Variants in PSME4 observed in about 807,000 individuals in gnomAD.
PSME4 encodes proteasome activator subunit 4.
Under a neutral mutation model 253.9 loss-of-function variants are expected in PSME4, and 89 were observed. That is an observed-to-expected ratio of 0.35 (90% CI 0.30 to 0.42). The LOEUF is 0.42. Among genes scored for constraint, PSME4 ranks in the 10% least tolerant of loss-of-function variants. PSME4 has a pLI of 1.00. For synonymous variants in PSME4, 851 were observed against 759.2 expected (o/e 1.12, Z -1.99); for missense variants, 2,014 against 2,195.2 (o/e 0.92, Z 1.65).
At chr2:53,898,973 C>A (rs1680267382) in intron 29 of PSME4, among the ~76,000 whole-genome samples, 1 of 151,640 alleles carries the variant, frequency 6.6e-6, no homozygotes. Flanking sequence ...CTGATGTGTA[C>A]CAGTTATGTA....
chr2:53,941,374 T>C lies in PSME4; in HGVS notation c.501-1374A>G, dbSNP rs192463824. Among the ~76,000 whole-genome samples, 300 of 151,452 alleles carry C rather than the reference T, an allele frequency of 2.0e-3. 4 individuals are homozygous for C. The highest frequency in any genetic ancestry group is 1.9e-3 in the Non-Finnish European group (130 of 67,820). On this transcript the variant is annotated intron_variant, in intron 3 of 46. Coordinates refer to ENST00000404125, the MANE Select transcript of PSME4 (RefSeq NM_014614.3). ...GATCATGAGAGGGAGGTTCTTCTTT[T>C]TCTTATGAAAAGGCTAAGCAATTCA... is the stretch of plus-strand genomic sequence containing the variant.
chr2:53,898,048 G>GAAA, intron 30 of PSME4, 49 bp from the exon 31 acceptor site: 1 of 1,411,296 alleles, frequency 7.1e-7, no homozygotes, highest in Non-Finnish European at 9.5e-7. Flanking sequence ...AAACCACTTG[G>GAAA]AAAAAAAAAA....
intron 36 of PSME4, among the ~76,000 whole-genome samples, chr2:53,892,381 T>C (rs188750348): frequency 1.3e-4 from 20 of 152,276 alleles, no homozygotes; most frequent in African/African-American, 4.3e-4. Context: ...AAACTCCAAC[T>C]GTCTAAAAGA....
intron 43 of PSME4, 67 bp from the exon 44 acceptor site, chr2:53,869,605 G>T: frequency 2.3e-6 from 3 of 1,312,000 alleles, no homozygotes; most frequent in East Asian, 2.4e-5. Flanking sequence ...AGGATAGGGG[G>T]TAGTGTGGGA....
chr2:53,878,267 T>C (rs766909208), intron 41 of PSME4, among the ~76,000 whole-genome samples: 3 of 152,236 alleles, frequency 2.0e-5, no homozygotes, highest in South Asian at 2.1e-4. Flanking sequence ...TGCACACTTA[T>C]CACTTCCCCA....
At chr2:53,936,020 A>T (rs1165400632) in intron 7 of PSME4, 67 bp downstream of exon 7, 13 of 1,548,416 alleles carry the variant, frequency 8.4e-6, no homozygotes, top group Non-Finnish European at 1.1e-5. Context: ...CAGCCACCCG[A>T]GCAGCTGGGA....
At position 53,865,998 on chromosome 2, in the gene PSME4, T is replaced by G. The variant is rs1004373681; in HGVS notation, c.*4+87A>C. On this transcript the variant is annotated intron_variant, in intron 46 of 46. Transcript: ENST00000404125. Reference sequence around the variant, plus strand: ...CCAACTTTATCTAAACACTGACATCTAAGAATGTCAGCAAAAAGAAAAAAA... The same window carrying G: ...CCAACTTTATCTAAACACTGACATCGAAGAATGTCAGCAAAAAGAAAAAAA... 2.3e-6 allele frequency: 3 copies of G among 1,310,944 alleles called. No individual in the cohort carries two copies. In the African/African-American group the frequency reaches 4.5e-5, roughly 20 times the overall value. 81.2% of individuals were successfully genotyped at this position (1,310,944 alleles called of 1,614,324 possible).
intron 19 of PSME4, among the ~76,000 whole-genome samples, chr2:53,919,852 A>G (rs890231464): frequency 3.3e-5 from 5 of 152,202 alleles, no homozygotes; most frequent in African/African-American, 4.8e-5. Flanking sequence ...CTTAAAATAA[A>G]ATTTTGAGAA....
At position 53,872,810 on chromosome 2, in the gene PSME4, A is replaced by G. The variant is rs576633303; in HGVS notation, c.5100+1529T>C. Among the ~76,000 whole-genome samples, 19 of 150,488 alleles carry G rather than the reference A, an allele frequency of 1.3e-4. No homozygotes were observed. In the East Asian group the frequency reaches 2.3e-3, roughly 18 times the overall value. ...GTTCTAAAAGAAGCTCCTAAATGCAAGCGGTATAATAATTAAAGTTAGGAA... is the reference window on the plus strand; with the variant it reads ...GTTCTAAAAGAAGCTCCTAAATGCAGGCGGTATAATAATTAAAGTTAGGAA... On this transcript the variant is annotated intron_variant, in intron 43 of 46. Transcript: ENST00000404125.
intron 17 of PSME4, among the ~76,000 whole-genome samples, chr2:53,921,871 A>AAAAAAAAAAAAG (rs1400900394): frequency 2.2e-5 from 3 of 135,564 alleles, no homozygotes; most frequent in African/African-American, 5.5e-5. Flanking sequence ...CCGTCTCAAA[A>AAAAAAAAAAAAG]AAAAGAAAAC....
At chr2:53,894,480 C>T (rs951875236) in intron 34 of PSME4, among the ~76,000 whole-genome samples, 2 of 149,280 alleles carry the variant, frequency 1.3e-5, no homozygotes, top group Non-Finnish European at 2.9e-5. Flanking sequence ...CCATGTTGCT[C>T]AGGATGGTCT....
At chr2:53,924,489 T>C (rs1017950649) in intron 14 of PSME4, among the ~76,000 whole-genome samples, 1 of 152,226 alleles carries the variant, frequency 6.6e-6, no homozygotes, top group African/African-American at 2.4e-5. Flanking sequence ...CTGAATGTCT[T>C]ATGAAGATAA....
At chr2:53,937,711 G>T (rs805360) in intron 4 of PSME4, among the ~76,000 whole-genome samples, 171 bp from the exon 5 acceptor site, 56,338 of 151,888 alleles carry the variant, frequency 0.37, 11,260 homozygotes, top group East Asian at 0.71. Flanking sequence ...TAAAATAAAT[G>T]CCCCAGTTGG....
intron 21 of PSME4, among the ~76,000 whole-genome samples, chr2:53,909,063 G>A (rs1273684333): frequency 6.6e-6 from 1 of 151,408 alleles, no homozygotes; most frequent in East Asian, 1.9e-4. Flanking sequence ...TCAAGATAAA[G>A]AAAAATAATA....
chr2:53,919,290 T>C, intron 19 of PSME4, 44 bp from the exon 20 acceptor site: 3 of 1,536,228 alleles, frequency 2.0e-6, no homozygotes, highest in Middle Eastern at 2.2e-4. Flanking sequence ...AAATCCCTAT[T>C]TAATAAGCCT....
chr2:53,893,799 C>G lies in PSME4; in HGVS notation c.3913G>C (p.Ala1305Pro). The change falls in exon 35 of 47, where the codon GCA becomes CCA. Residue 1305 changes from alanine to proline, a missense_variant and splice_region_variant. Around this residue, in one of 4 missense-constraint regions of PSME4, gnomAD observed 989 missense variants for 1,021.1 expected, o/e 0.97. Transcript: ENST00000404125. The part of the protein sequence containing the change: ...LGRSREDMTE[A>P]EQIIFDHFSD... Reference sequence around the variant, plus strand: ...AAATGATCAAATATAATCTGTTCTGCCTATAAAGTTAAAAAAAGAACAATA... The same window carrying G: ...AAATGATCAAATATAATCTGTTCTGGCTATAAAGTTAAAAAAAGAACAATA... 6.3e-7 allele frequency: 1 copy of G among 1,584,578 alleles called. No homozygotes were observed. Among genetic ancestry groups the G allele is most frequent in the Non-Finnish European group, 8.5e-7 (1 of 1,170,608 alleles).
At chr2:53,912,516 G>A (rs1168008837) in intron 20 of PSME4, among the ~76,000 whole-genome samples, 1 of 152,148 alleles carries the variant, frequency 6.6e-6, no homozygotes, top group Non-Finnish European at 1.5e-5. Flanking sequence ...GCAGTGCAAT[G>A]GTACGATCAT....
At chr2:53,917,596 T>C (rs1668116454) in intron 20 of PSME4, among the ~76,000 whole-genome samples, 1 of 152,154 alleles carries the variant, frequency 6.6e-6, no homozygotes, top group Admixed American at 6.6e-5. Context: ...TTTACTAACA[T>C]TAAAAATACA....
intron 20 of PSME4, among the ~76,000 whole-genome samples, chr2:53,912,256 C>T (rs1346398789): frequency 1.3e-5 from 2 of 152,064 alleles, no homozygotes; most frequent in African/African-American, 4.8e-5. Context: ...TACTGTGGCA[C>T]TTGAGTATGA....
Sources: gnomAD v4.1 joint callset for allele counts (sites outside exome capture counted in the v4.1 genomes callset) on GRCh38, gnomAD v4.1.1 for gene constraint, gnomAD v4.1.1 regional missense constraint, MANE v1.5 for transcripts, NCBI Gene and HGNC (gene_info 2026-07-23, HGNC 2026-07-21) for gene names.